Variants in PPARGC1A observed in about 807,000 individuals in gnomAD.
PPARGC1A encodes peroxisome proliferator-activated receptor gamma coactivator 1-alpha.
In PPARGC1A, 25 loss-of-function variants were observed where a neutral mutation model predicts 88.7. That is an observed-to-expected ratio of 0.28 (90% CI 0.21 to 0.39). PPARGC1A has a LOEUF of 0.39. PPARGC1A is among the 10% of genes least tolerant of loss of function. PPARGC1A has a pLI of 1.00. For missense variants in PPARGC1A, 880 were observed against 968.7 expected (o/e 0.91, Z 1.22); for synonymous variants, 363 against 355.6 (o/e 1.02, Z -0.24).
chr4:24,067,945 C>A, the PPARGC1A span, among the ~76,000 whole-genome samples: 1 of 152,168 alleles, frequency 6.6e-6, no homozygotes, highest in East Asian at 1.9e-4. Flanking sequence ...CTCATTCCCC[C>A]AGAGGGGCCA....
intron 7 of PPARGC1A, among the ~76,000 whole-genome samples, chr4:23,819,721 A>G (rs139562427): frequency 6.6e-6 from 1 of 152,298 alleles, no homozygotes; most frequent in African/African-American, 2.4e-5. Flanking sequence ...AAAATGAAGA[A>G]TATGGTTGAA....
chr4:24,440,897 C>A, the PPARGC1A span, among the ~76,000 whole-genome samples: 21 of 152,234 alleles, frequency 1.4e-4, 1 homozygote, highest in East Asian at 2.7e-3. Context: ...ATCAAATCAG[C>A]CAACCTGGAA....
intron 2 of PPARGC1A, among the ~76,000 whole-genome samples, chr4:23,867,069 A>G (rs1003059460): frequency 1.3e-5 from 2 of 152,158 alleles, no homozygotes; most frequent in South Asian, 4.1e-4. Context: ...AATAAATAAG[A>G]GGGTATTTAA....
the PPARGC1A span, among the ~76,000 whole-genome samples, chr4:23,960,688 G>A: frequency 6.6e-6 from 1 of 152,260 alleles, no homozygotes; most frequent in East Asian, 1.9e-4. Context: ...GATGTGTCCT[G>A]CAGATGGGTT....
upstream of PPARGC1A, chr4:23,890,152 C>T: frequency 8.2e-7 from 1 of 1,218,726 alleles, no homozygotes; most frequent in Non-Finnish European, 1.0e-6. Flanking sequence ...TTCCCCTGTG[C>T]AGCTTGCTGC....
In PPARGC1A at chr4:23,882,835, C is replaced by G. The variant is rs1716205165; in HGVS notation, c.234+1917G>C. The G allele has an allele frequency of 2.6e-5, 4 of 152,182 alleles. 1 individual carries two copies. In the South Asian group the frequency reaches 8.3e-4, roughly 32 times the overall value. 9.4% of individuals were successfully genotyped at this position (152,182 alleles called of 1,614,324 possible). A position where few individuals can be genotyped will look rare whatever the true frequency, so the allele number is the denominator to read the frequency against. ...AAATGCAAAGTACCTCTCACAAATA[C>G]CACAACACAAAATATAGGGACATAA... On this transcript the variant is annotated intron_variant, in intron 2 of 12. Coordinates refer to ENST00000264867, the MANE Select transcript of PPARGC1A (RefSeq NM_013261.5).
At chr4:24,150,503 G>C in the PPARGC1A span, among the ~76,000 whole-genome samples, 24 of 152,060 alleles carry the variant, frequency 1.6e-4, no homozygotes, top group African/African-American at 5.1e-4. Flanking sequence ...AAACTAGAGG[G>C]CTTGACCCAT....
chr4:24,229,257 G>GATTCTTC, the PPARGC1A span, among the ~76,000 whole-genome samples: 1 of 146,188 alleles, frequency 6.8e-6, no homozygotes, highest in Admixed American at 7.0e-5. Context: ...GGGTTCAAGT[G>GATTCTTC]ATTCTTCTGC....
At chr4:23,890,121 C>T, upstream of PPARGC1A, 1 of 1,318,586 alleles carries the variant, frequency 7.6e-7, no homozygotes, top group East Asian at 2.8e-5. Flanking sequence ...GTAGGCTGGG[C>T]TGTCACTCAC....
the PPARGC1A span, among the ~76,000 whole-genome samples, chr4:24,092,564 C>T: frequency 6.6e-6 from 1 of 152,154 alleles, no homozygotes. Flanking sequence ...ATGGCCCTGC[C>T]TATATCACTT....
chr4:23,986,242 A>G, the PPARGC1A span, among the ~76,000 whole-genome samples: 1 of 152,110 alleles, frequency 6.6e-6, no homozygotes, highest in African/African-American at 2.4e-5. Context: ...GATTAAAAAA[A>G]AAGTCTCTGA....
chr4:23,995,734 G>A, the PPARGC1A span, among the ~76,000 whole-genome samples: 1 of 152,138 alleles, frequency 6.6e-6, no homozygotes. Flanking sequence ...CCCAGGGAAG[G>A]GGCCAGGCTC....
chr4:24,009,155 A>AGG, the PPARGC1A span, among the ~76,000 whole-genome samples: 1 of 149,442 alleles, frequency 6.7e-6, no homozygotes, highest in African/African-American at 2.5e-5. Flanking sequence ...AAAAAAAGAG[A>AGG]GAGAAGGCAA....
chr4:24,089,999 A>T, the PPARGC1A span, among the ~76,000 whole-genome samples: 1 of 152,210 alleles, frequency 6.6e-6, no homozygotes, highest in East Asian at 1.9e-4. Context: ...GCTGACAGTG[A>T]TATGACACAT....
the PPARGC1A span, among the ~76,000 whole-genome samples, chr4:24,049,227 CATATAT>C: frequency 7.2e-6 from 1 of 138,258 alleles, no homozygotes; most frequent in African/African-American, 2.6e-5. Context: ...TATATATATA[CATATAT>C]ATAAATATAT....
At chr4:24,086,101 CT>C in the PPARGC1A span, among the ~76,000 whole-genome samples, 1 of 152,166 alleles carries the variant, frequency 6.6e-6, no homozygotes, top group African/African-American at 2.4e-5. Flanking sequence ...CTTCACAGGG[CT>C]TTGTTTATCC....
chr4:24,261,823 T>G, the PPARGC1A span, among the ~76,000 whole-genome samples: 1 of 152,126 alleles, frequency 6.6e-6, no homozygotes, highest in Non-Finnish European at 1.5e-5. Flanking sequence ...CCTCCCCACC[T>G]CCAACACACA....
the PPARGC1A span, among the ~76,000 whole-genome samples, chr4:24,109,678 T>C: frequency 0.061 from 9,306 of 152,250 alleles, 832 homozygotes; most frequent in African/African-American, 0.19. Context: ...TATTGATCCC[T>C]ACAATCGACC....
At chr4:23,811,018 G>T (rs1720799417) in intron 10 of PPARGC1A, among the ~76,000 whole-genome samples, 1 of 152,146 alleles carries the variant, frequency 6.6e-6, no homozygotes, top group South Asian at 2.1e-4. Flanking sequence ...TGCTCATTTG[G>T]AAGTTGAGAA....
Sources: gnomAD v4.1 joint callset for allele counts (sites outside exome capture counted in the v4.1 genomes callset) on GRCh38, gnomAD v4.1.1 for gene constraint, MANE v1.5 for transcripts, NCBI Gene and HGNC (gene_info 2026-07-23, HGNC 2026-07-21) for gene names.